JARID2: variants seen among roughly 807,000 people sequenced by gnomAD.
The protein encoded by JARID2 is jumonji and AT-rich interaction domain containing 2, also known as protein Jumonji.
In JARID2, 21 loss-of-function variants were observed where a neutral mutation model predicts 125.6. The ratio of observed to expected loss-of-function variants is 0.17; its 90% CI spans 0.12 to 0.24. The LOEUF is 0.24. Among genes scored for constraint, JARID2 ranks in the 10% least tolerant of loss-of-function variants. The probability of loss-of-function intolerance (pLI) is 1.00; values close to 1 mark genes in which losing one functional copy is unlikely to be tolerated. For missense variants in JARID2, 1,303 were observed against 1,639.6 expected (o/e 0.79, Z 3.55); for synonymous variants, 736 against 661.6 (o/e 1.11, Z -1.73).
intron 1 of JARID2, among the ~76,000 whole-genome samples, chr6:15,371,885 T>G (rs147183380): frequency 6.6e-6 from 1 of 152,320 alleles, no homozygotes; most frequent in African/African-American, 2.4e-5. Flanking sequence ...ATGTACCTCC[T>G]TCTTCTAGAG....
chr6:15,449,514 C>A (rs1767821929), intron 3 of JARID2, among the ~76,000 whole-genome samples: 1 of 151,704 alleles, frequency 6.6e-6, no homozygotes, highest in Non-Finnish European at 1.5e-5. Context: ...AGCAACAAGC[C>A]AAAAACAGCT....
chr6:15,310,125 T>A (rs1188666825), intron 1 of JARID2, among the ~76,000 whole-genome samples: 1 of 152,150 alleles, frequency 6.6e-6, no homozygotes, highest in East Asian at 1.9e-4. Flanking sequence ...GTGTCTCTGG[T>A]GAAACAGATG....
At chr6:15,458,630 G>A (rs929163785) in intron 4 of JARID2, among the ~76,000 whole-genome samples, 5 of 152,192 alleles carry the variant, frequency 3.3e-5, no homozygotes, top group Non-Finnish European at 7.3e-5. Flanking sequence ...AGTATTGGTG[G>A]TGGGTGAAAT....
At chr6:15,318,722 G>C (rs1237363191) in intron 1 of JARID2, among the ~76,000 whole-genome samples, 1 of 152,148 alleles carries the variant, frequency 6.6e-6, no homozygotes, top group Non-Finnish European at 1.5e-5. Flanking sequence ...ACATTTTTTG[G>C]ATCAGAAACA....
At position 15,512,942 on chromosome 6, in the gene JARID2, C is replaced by G; in HGVS notation, c.3163C>G (p.Pro1055Ala). 6.2e-7 allele frequency: 1 copy of G among 1,613,766 alleles called. No homozygotes were observed. ...AATGAAGCGTCGCCATATAGCTAAGCCATTCTCCATGGAGAAGTTACTCTA... is the reference window on the plus strand; with the variant it reads ...AATGAAGCGTCGCCATATAGCTAAGGCATTCTCCATGGAGAAGTTACTCTA... ...KEMKRRHIAK[P>A]FSMEKLLYQI... The change falls in exon 15 of 18, where the codon CCA becomes GCA. Residue 1055 changes from proline to alanine, a missense_variant. Around this residue, in one of 11 missense-constraint regions of JARID2, gnomAD observed 190 missense variants for 341.4 expected, o/e 0.56. Transcript: ENST00000341776.
intron 1 of JARID2, among the ~76,000 whole-genome samples, chr6:15,317,349 T>C (rs1762213673): frequency 1.3e-5 from 2 of 152,154 alleles, no homozygotes; most frequent in Admixed American, 1.3e-4. Flanking sequence ...CCTGAGGTGG[T>C]TATGGTTATG....
chr6:15,279,490 G>A (rs1269345189), intron 1 of JARID2, among the ~76,000 whole-genome samples: 1 of 152,196 alleles, frequency 6.6e-6, no homozygotes, highest in Non-Finnish European at 1.5e-5. Context: ...GGCCTCTGGG[G>A]TCGTGGAAGT....
intron 2 of JARID2, among the ~76,000 whole-genome samples, chr6:15,388,315 A>T (rs1484301811): frequency 6.6e-6 from 1 of 152,126 alleles, no homozygotes; most frequent in Non-Finnish European, 1.5e-5. Flanking sequence ...ATATCTTTAA[A>T]AGCCAGAAGA....
intron 1 of JARID2, among the ~76,000 whole-genome samples, chr6:15,357,226 C>A (rs757897565): frequency 6.6e-6 from 1 of 152,106 alleles, no homozygotes; most frequent in Non-Finnish European, 1.5e-5. Context: ...TCATGAAGTA[C>A]GCTGAATAAG....
chr6:15,519,045 G>A lies in JARID2; in HGVS notation c.3559-1024G>A, dbSNP rs2127776304. Among the ~76,000 whole-genome samples the A allele has an allele frequency of 3.9e-5, 6 of 152,298 alleles. 2 individuals are homozygous for A. In the Middle Eastern group the frequency reaches 0.02, roughly 518 times the overall value. The stretch of plus-strand genomic sequence containing the variant: ...TCTCTGGCCCTTGCAGGCTGGCTGA[G>A]CAGGGTGTTGGGCCGCCTGCCGCCG... On this transcript the variant is annotated intron_variant, in intron 17 of 17. Transcript: ENST00000341776.
chr6:15,382,915 A>G (rs1313060035), intron 2 of JARID2, among the ~76,000 whole-genome samples: 1 of 152,060 alleles, frequency 6.6e-6, no homozygotes, highest in African/African-American at 2.4e-5. Context: ...TTACATCATC[A>G]TTCCCATCCA....
At chr6:15,323,313 A>C (rs1762420193) in intron 1 of JARID2, among the ~76,000 whole-genome samples, 1 of 152,238 alleles carries the variant, frequency 6.6e-6, no homozygotes, top group South Asian at 2.1e-4. Context: ...TTACAATCAC[A>C]GGAATGAGCC....
At chr6:15,501,701 A>G (rs1393817308) in intron 8 of JARID2, among the ~76,000 whole-genome samples, 1 of 152,200 alleles carries the variant, frequency 6.6e-6, no homozygotes, top group African/African-American at 2.4e-5. Context: ...ATGGGGCAGC[A>G]GGAGACCCAG....
In JARID2 at chr6:15,522,004, AAAAAC is replaced by A. The variant is rs1771882521; in HGVS notation, c.*1757_*1761del. ...GGTTTGTACTACAAGGTTTAATAAT[AAAAAC>A]AAAGTTTTTTGGACATTTGTCTGTC... On this transcript the variant is annotated 3_prime_UTR_variant, in exon 18 of 18. Coordinates refer to ENST00000341776, the MANE Select transcript of JARID2 (RefSeq NM_004973.4). 1 of 152,224 alleles carries A rather than the reference AAAAAC, an allele frequency of 6.6e-6. No individual in the cohort carries two copies. Among genetic ancestry groups the A allele is most frequent in the Non-Finnish European group, 1.5e-5 (1 of 68,048 alleles). 9.4% of individuals were successfully genotyped at this position (152,224 alleles called of 1,614,324 possible). A position where few individuals can be genotyped will look rare whatever the true frequency, so the allele number is the denominator to read the frequency against.
At chr6:15,390,317 A>G (rs1295297562) in intron 2 of JARID2, among the ~76,000 whole-genome samples, 2 of 152,032 alleles carry the variant, frequency 1.3e-5, no homozygotes, top group East Asian at 3.9e-4. Context: ...CTAGATATGG[A>G]GAAGAACCCA....
chr6:15,360,509 G>T (rs979047185), intron 1 of JARID2, among the ~76,000 whole-genome samples: 1 of 151,958 alleles, frequency 6.6e-6, no homozygotes, highest in African/African-American at 2.4e-5. Context: ...ATGAGACAGG[G>T]TCACACTCAG....
chr6:15,474,450 A>G (rs1391955916), intron 5 of JARID2, among the ~76,000 whole-genome samples: 1 of 124,584 alleles, frequency 8.0e-6, no homozygotes, highest in Non-Finnish European at 1.6e-5. Context: ...TCAGGAACTT[A>G]GTTGCATGCC....
At chr6:15,466,341 T>C (rs558159548) in intron 4 of JARID2, among the ~76,000 whole-genome samples, 1 of 152,354 alleles carries the variant, frequency 6.6e-6, no homozygotes, top group African/African-American at 2.4e-5. Context: ...CAATCCATCG[T>C]TTGGATTTCA....
At position 15,450,317 on chromosome 6, in the gene JARID2, G is replaced by A. The variant is rs184168078; in HGVS notation, c.324-1689G>A. ...CCTGAGTAGCTGGGATTACAGGCACGTGTCACCACACCAGGCTAATTTTTG... is the reference window on the plus strand; with the variant it reads ...CCTGAGTAGCTGGGATTACAGGCACATGTCACCACACCAGGCTAATTTTTG... On this transcript the variant is annotated intron_variant, in intron 3 of 17. Coordinates refer to ENST00000341776, the MANE Select transcript of JARID2 (RefSeq NM_004973.4). 1.7e-3 allele frequency among the ~76,000 whole-genome samples: 256 copies of A among 152,138 alleles called. 3 individuals carry two copies. In the Middle Eastern group the frequency reaches 0.024, roughly 14 times the overall value.
Sources: gnomAD v4.1 joint callset for allele counts (sites outside exome capture counted in the v4.1 genomes callset) on GRCh38, gnomAD v4.1.1 for gene constraint, gnomAD v4.1.1 regional missense constraint, MANE v1.5 for transcripts, NCBI Gene and HGNC (gene_info 2026-07-23, HGNC 2026-07-21) for gene names.